DISP2: variants seen among roughly 807,000 people sequenced by gnomAD.
The protein encoded by DISP2 is protein dispatched homolog 2.
DISP2 carries 59 observed loss-of-function variants against 95.5 expected under a neutral mutation model. The observed-to-expected ratio is 0.62, with a 90% CI of 0.50 to 0.77. The LOEUF is 0.77. DISP2 is among the 30% of genes least tolerant of loss of function. The pLI, the probability that DISP2 is intolerant of heterozygous loss-of-function variation, is 0.00. For synonymous variants in DISP2, 827 were observed against 815.0 expected (o/e 1.01, Z -0.25); for missense variants, 1,752 against 1,854.6 (o/e 0.94, Z 1.02).
In DISP2 at chr15:40,368,708, TG is replaced by T; in HGVS notation, c.2599del (p.Ala867ProfsTer9). ...DLCCGHSDFP[W>X]APQFFLHCLK... ...CTGCTGCGGCCACTCGGACTTCCCCTGGGCCCCCCAGTTTTTCCTGCACTGC... is the reference window on the plus strand; with the variant it reads ...CTGCTGCGGCCACTCGGACTTCCCCTGGCCCCCCAGTTTTTCCTGCACTGC... On this transcript the variant is annotated frameshift_variant, in exon 8 of 8. Coordinates refer to ENST00000267889, the MANE Select transcript of DISP2 (RefSeq NM_033510.3). LOFTEE classifies it high-confidence loss of function. 6.2e-7 allele frequency: 1 copy of T among 1,613,310 alleles called. No homozygotes were observed. The highest frequency in any genetic ancestry group is 1.1e-5 in the South Asian group (1 of 91,090).
rs1487339524 is a variant in DISP2, at chr15:40,368,524, C to T, written c.2412C>T (p.Ser804=). The T allele has an allele frequency of 3.1e-6, 5 of 1,605,630 alleles. No individual in the cohort carries two copies. In the East Asian group the frequency reaches 8.9e-5, roughly 29 times the overall value. Residue 804 remains serine (S), a synonymous_variant, in exon 8 of 8, where the codon AGC becomes AGT. Transcript: ENST00000267889. ...TGAGGGACCCTGCCTTCTCGGCCAG[C>T]GGCCCTGAGGCCCAGCGCTGGCTGC... The part of the protein sequence containing the change: ...SLVRDPAFSA[S]GPEAQRWLLA...
chr15:40,365,575 C>T, intron 6 of DISP2, 53 bp from the exon 7 acceptor site: 1 of 1,599,248 alleles, frequency 6.3e-7, no homozygotes, highest in Non-Finnish European at 8.6e-7. Context: ...CTTTGGAGGA[C>T]CCAGGACCTG....
rs1486502272 is a variant in DISP2 at position 40,358,430 on chromosome 15, TC to T, written c.113del (p.Pro38ArgfsTer127). 1 of 1,319,026 alleles carries T rather than the reference TC, an allele frequency of 7.6e-7. No homozygotes were observed. Among genetic ancestry groups the T allele is most frequent in the Non-Finnish European group, 9.7e-7 (1 of 1,034,262 alleles). The allele number at this position is 1,319,026 out of a possible 1,614,324, so 81.7% of individuals were successfully genotyped here. On this transcript the variant is annotated frameshift_variant, in exon 1 of 8. Coordinates refer to ENST00000267889, the MANE Select transcript of DISP2 (RefSeq NM_033510.3). LOFTEE classifies it high-confidence loss of function. ...EGEPLAPDGG[S>X]PDSTQTKAVP... Reference sequence around the variant, plus strand: ...GGAGCCCTTGGCCCCAGACGGCGGCTCCCCGGACAGGTAGGGCGGACAGCTC... The same window carrying T: ...GGAGCCCTTGGCCCCAGACGGCGGCTCCCGGACAGGTAGGGCGGACAGCTC...
At position 40,370,048 on chromosome 15, in the gene DISP2, C is replaced by A. The variant is rs769165921; in HGVS notation, c.3936C>A (p.Ser1312=). 6.2e-7 allele frequency: 1 copy of A among 1,614,114 alleles called. No homozygotes were observed. The highest frequency in any genetic ancestry group is 1.7e-5 in the Admixed American group (1 of 60,030). The change falls in exon 8 of 8, where the codon TCC becomes TCA. Residue 1312 remains serine, a synonymous_variant. Coordinates refer to ENST00000267889, the MANE Select transcript of DISP2 (RefSeq NM_033510.3). ...TSEPSARVPD[S]VGVSPDDLDD... ...AGCCCAGTGCCCGTGTACCAGATTC[C>A]GTGGGTGTGTCCCCAGATGACCTGG...
Position 40,374,014 on chromosome 15 carries a change from A to AAAAAAAAAAAAAAAAAAAATAT in DISP2, c.*3697_*3698insAAAAAAAAAAAAAAAAAATATA. 2 of 104,196 alleles carry AAAAAAAAAAAAAAAAAAAATAT rather than the reference A, an allele frequency of 1.9e-5. No individual in the cohort carries two copies. The highest frequency in any genetic ancestry group is 3.9e-5 in the Non-Finnish European group (2 of 51,300). The allele number at this position is 104,196 out of a possible 1,614,324, so 6.5% of individuals were successfully genotyped here. A position where few individuals can be genotyped will look rare whatever the true frequency, so the allele number is the denominator to read the frequency against. ...GCGAGACTCCATCTTAAAAAAAAAA[A>AAAAAAAAAAAAAAAAAAAATAT]ATATATATATATATATATGTAAACT... On this transcript the variant is annotated 3_prime_UTR_variant, in exon 8 of 8. Transcript: ENST00000267889.
In DISP2 at chr15:40,367,623, C is replaced by T; in HGVS notation, c.1511C>T (p.Ala504Val). Residue 504 changes from alanine (A) to valine (V), a missense_variant, in exon 8 of 8, where the codon GCC (alanine) becomes GTC (valine). Transcript: ENST00000267889. ...LALVAIFFGM[A>V]LYLRSLFLTL... ...CTGGTTGCCATCTTCTTCGGCATGG[C>T]CCTGTACCTGCGCTCACTCTTCCTC... is the stretch of plus-strand genomic sequence containing the variant. 1 of 1,614,020 alleles carries T rather than the reference C, an allele frequency of 6.2e-7. No homozygotes were observed. Among genetic ancestry groups the T allele is most frequent in the Non-Finnish European group, 8.5e-7 (1 of 1,180,020 alleles).
chr15:40,368,037 T>A lies in DISP2; in HGVS notation c.1925T>A (p.Val642Glu). 6.5e-7 allele frequency: 1 copy of A among 1,530,468 alleles called. No individual in the cohort carries two copies. Among genetic ancestry groups the A allele is most frequent in the South Asian group, 1.2e-5 (1 of 83,898 alleles). The allele number at this position is 1,530,468 out of a possible 1,614,324, so 94.8% of individuals were successfully genotyped here. Residue 642 changes from valine to glutamate, a missense_variant, in exon 8 of 8, where the codon GTG (valine) becomes GAG (glutamate). Val to Glu is a moderately radical substitution (Grantham distance 121). Around this residue, in one of 5 missense-constraint regions of DISP2, gnomAD observed 732 missense variants for 714.6 expected, o/e 1.02. Coordinates refer to ENST00000267889, the MANE Select transcript of DISP2 (RefSeq NM_033510.3). The part of the protein sequence containing the change: ...LTLVWLPASA[V>E]LHERYLARGC... ...CTGGTCTGGCTGCCCGCCTCCGCCGTGCTCCACGAGCGCTACCTGGCGCGC... is the reference window on the plus strand; with the variant it reads ...CTGGTCTGGCTGCCCGCCTCCGCCGAGCTCCACGAGCGCTACCTGGCGCGC...
Position 40,369,555 on chromosome 15 carries a change from G to A in DISP2, c.3443G>A (p.Arg1148Gln), listed in dbSNP as rs767397598. Residue 1148 changes from arginine to glutamine, a missense_variant, in exon 8 of 8, where the codon CGA becomes CAA. Transcript: ENST00000267889. ...DPGGEKAGRP[R>Q]PGSVGGMPGS... ...GGTGGGGAGAAGGCAGGCCGCCCAC[G>A]ACCAGGGTCAGTGGGAGGGATGCCC... 31 of 1,612,430 alleles carry A rather than the reference G, an allele frequency of 1.9e-5. No individual in the cohort carries two copies. The highest frequency in any genetic ancestry group is 3.3e-5 in the South Asian group (3 of 91,056).
chr15:40,363,244 G>A (rs1410367658), intron 1 of DISP2, among the ~76,000 whole-genome samples: 3 of 151,524 alleles, frequency 2.0e-5, no homozygotes, highest in African/African-American at 7.3e-5. Context: ...CCCGGGAGGC[G>A]GAGCTTGCAG....
rs746083048 is a variant in DISP2, at chr15:40,370,039, A to G, written c.3927A>G (p.Val1309=). The change falls in exon 8 of 8, where the codon GTA becomes GTG. Residue 1309 remains valine (V), a synonymous_variant. Coordinates refer to ENST00000267889, the MANE Select transcript of DISP2 (RefSeq NM_033510.3). ...CLSTSEPSAR[V]PDSVGVSPDD... is the part of the protein sequence containing the mutation. ...GCACCTCTGAGCCCAGTGCCCGTGTACCAGATTCCGTGGGTGTGTCCCCAG... is the reference window on the plus strand; with the variant it reads ...GCACCTCTGAGCCCAGTGCCCGTGTGCCAGATTCCGTGGGTGTGTCCCCAG... 1.9e-6 allele frequency: 3 copies of G among 1,614,114 alleles called. No homozygotes were observed. The highest frequency in any genetic ancestry group is 2.2e-5 in the East Asian group (1 of 44,882).
At chr15:40,363,546 C>A in intron 1 of DISP2, 79 bp from the exon 2 acceptor site, 1 of 1,071,386 alleles carries the variant, frequency 9.3e-7, no homozygotes, top group Non-Finnish European at 1.3e-6. Context: ...TCTTGTCTTA[C>A]TGAACTGAAT....
In DISP2 at chr15:40,367,460, G is replaced by C; in HGVS notation, c.1348G>C (p.Asp450His). 6.2e-7 allele frequency: 1 copy of C among 1,613,594 alleles called. No homozygotes were observed. The highest frequency in any genetic ancestry group is 8.5e-7 in the Non-Finnish European group (1 of 1,179,982). ...CACCCCAAAGGGTGCTTCCCTCATGGACATCTACCTGGACCGGCTGGCCAC... is the reference window on the plus strand; with the variant it reads ...CACCCCAAAGGGTGCTTCCCTCATGCACATCTACCTGGACCGGCTGGCCAC... ...LPTPKGASLM[D>H]IYLDRLATPW... is the part of the protein sequence containing the mutation. The change falls in exon 8 of 8, where the codon GAC (aspartate) becomes CAC (histidine). Residue 450 changes from aspartate (D) to histidine (H), a missense_variant. Asp to His is a moderately conservative substitution (Grantham distance 81). This residue lies in a region of DISP2 where 732 missense variants were observed against 714.6 expected (regional missense o/e 1.02). Coordinates refer to ENST00000267889, the MANE Select transcript of DISP2 (RefSeq NM_033510.3).
At position 40,371,956 on chromosome 15, in the gene DISP2, A is replaced by G. The variant is rs1889653569; in HGVS notation, c.*1638A>G. ...CTCAAGTACCCAGGACTGGGTAACA[A>G]GAAAGGCTTTCTGGAGGAGGAAAAA... On this transcript the variant is annotated 3_prime_UTR_variant, in exon 8 of 8. Transcript: ENST00000267889. 1 of 152,218 alleles carries G rather than the reference A, an allele frequency of 6.6e-6. No individual in the cohort carries two copies. Among genetic ancestry groups the G allele is most frequent in the Admixed American group, 6.5e-5 (1 of 15,284 alleles). 9.4% of individuals were successfully genotyped at this position (152,218 alleles called of 1,614,324 possible).
chr15:40,370,399 A>C lies in DISP2; in HGVS notation c.*81A>C. On this transcript the variant is annotated 3_prime_UTR_variant, in exon 8 of 8. Coordinates refer to ENST00000267889, the MANE Select transcript of DISP2 (RefSeq NM_033510.3). ...AGGGCAGCAATAGGCTGGAGCCCGA[A>C]GGTATTTCTCCAGATCCACAGGGAG... The C allele has an allele frequency of 6.7e-7, 1 of 1,497,982 alleles. No individual in the cohort carries two copies. The allele number at this position is 1,497,982 out of a possible 1,614,324, so 92.8% of individuals were successfully genotyped here.
Position 40,367,795 on chromosome 15 carries a change from C to G in DISP2, c.1683C>G (p.Ile561Met). Residue 561 changes from isoleucine (I) to methionine (M), a missense_variant, in exon 8 of 8, where the codon ATC (isoleucine) becomes ATG (methionine). Physicochemically the swap from Ile to Met is conservative, Grantham distance 10 (BLOSUM62 1). This residue lies in a region of DISP2 where 732 missense variants were observed against 714.6 expected (regional missense o/e 1.02). Coordinates refer to ENST00000267889, the MANE Select transcript of DISP2 (RefSeq NM_033510.3). ...GCGTCTGCGCCAACCACACGCTCAT[C>G]TTCTTCGACCTGTGGCGCCTTAGCA... Reference protein sequence around the residue: ...LSSVCANHTLIFFDLWRLSKS... With the variant: ...LSSVCANHTLMFFDLWRLSKS... The G allele has an allele frequency of 1.2e-6, 2 of 1,607,070 alleles. No individual in the cohort carries two copies. Among genetic ancestry groups the G allele is most frequent in the Non-Finnish European group, 1.7e-6 (2 of 1,179,986 alleles).
In DISP2 at chr15:40,365,959, G is replaced by C. The variant is rs369289855; in HGVS notation, c.945+234G>C. 5.3e-5 allele frequency among the ~76,000 whole-genome samples: 8 copies of C among 152,248 alleles called. No individual in the cohort carries two copies. In the South Asian group the frequency reaches 8.3e-4, roughly 16 times the overall value. ...AGTGCTGGAAGCGAGCCCATGCAGG[G>C]ACTGCGGGTTTCCAAAAGGTCCTGA... On this transcript the variant is annotated intron_variant, in intron 7 of 7. Coordinates refer to ENST00000267889, the MANE Select transcript of DISP2 (RefSeq NM_033510.3).
intron 1 of DISP2, among the ~76,000 whole-genome samples, chr15:40,359,370 C>G (rs1316917059): frequency 1.3e-5 from 2 of 152,228 alleles, no homozygotes; most frequent in African/African-American, 2.4e-5. Context: ...GAGAAAGCCC[C>G]ACAAGTAGAG....
At chr15:40,359,224 A>G (rs1408462356) in intron 1 of DISP2, among the ~76,000 whole-genome samples, 1 of 152,174 alleles carries the variant, frequency 6.6e-6, no homozygotes, top group Non-Finnish European at 1.5e-5. Flanking sequence ...CGCCCCCAGA[A>G]TCCCTCCTCT....
rs1226571454 is a variant in DISP2 at position 40,369,858 on chromosome 15, G to A, written c.3746G>A (p.Arg1249Lys). The A allele has an allele frequency of 1.9e-6, 3 of 1,570,068 alleles. No homozygotes were observed. The East Asian group carries it at 6.8e-5, about 35-fold the overall frequency. ...QAGPSPKTRARQDSQGEEAEP... is the reference protein window; with the variant it reads ...QAGPSPKTRAKQDSQGEEAEP... ...GGCCCCAGCCCCAAAACCCGGGCCA[G>A]GCAGGACTCCCAAGGGGAGGAGGCT... The change falls in exon 8 of 8, where the codon AGG (arginine) becomes AAG (lysine). Residue 1249 changes from arginine (R) to lysine (K), a missense_variant. This residue lies in a region of DISP2 where 347 missense variants were observed against 344.2 expected (regional missense o/e 1.01). Coordinates refer to ENST00000267889, the MANE Select transcript of DISP2 (RefSeq NM_033510.3).
Sources: gnomAD v4.1 joint callset for allele counts (sites outside exome capture counted in the v4.1 genomes callset) on GRCh38, gnomAD v4.1.1 for gene constraint, gnomAD v4.1.1 regional missense constraint, MANE v1.5 for transcripts, NCBI Gene and HGNC (gene_info 2026-07-23, HGNC 2026-07-21) for gene names.